KDM3B: variants seen among roughly 807,000 people sequenced by gnomAD.
KDM3B encodes lysine-specific demethylase 3B.
KDM3B carries 10 observed loss-of-function variants against 170.0 expected under a neutral mutation model. The ratio of observed to expected loss-of-function variants is 0.06; its 90% CI spans 0.04 to 0.10. The LOEUF is 0.10. KDM3B is among the 10% of genes least tolerant of loss of function. The probability of loss-of-function intolerance (pLI) is 1.00; values close to 1 mark genes in which losing one functional copy is unlikely to be tolerated. For missense variants in KDM3B, 1,394 were observed against 2,195.2 expected, an observed-to-expected ratio of 0.64 and a Z score of 7.29; for synonymous variants, 831 against 834.8, an observed-to-expected ratio of 1.00 and a Z score of 0.08.
intron 6 of KDM3B, among the ~76,000 whole-genome samples, chr5:138,383,231 C>T (rs1172184126): frequency 5.9e-5 from 9 of 151,876 alleles, no homozygotes; most frequent in African/African-American, 1.7e-4. Context: ...CTCCGCCTCC[C>T]GGGTTCAAGT....
chr5:138,402,328 T>G (rs1291826953), intron 11 of KDM3B, among the ~76,000 whole-genome samples: 1 of 152,234 alleles, frequency 6.6e-6, no homozygotes. Context: ...CCTTGACTTT[T>G]TCATTCTTCC....
At chr5:138,416,754 A>T (rs2126986652) in intron 12 of KDM3B, among the ~76,000 whole-genome samples, 2 of 152,204 alleles carry the variant, frequency 1.3e-5, no homozygotes, top group Admixed American at 1.3e-4. Context: ...AGCCATATAA[A>T]GTTTACATTG....
At chr5:138,401,924 C>CT (rs543028030) in intron 11 of KDM3B, among the ~76,000 whole-genome samples, 781 of 146,730 alleles carry the variant, frequency 5.3e-3, no homozygotes, top group Middle Eastern at 7.0e-3. Flanking sequence ...TTTTTTCTTT[C>CT]TTTTTTTTTT....
In KDM3B at chr5:138,379,571, A is replaced by G. The variant is rs776019083; in HGVS notation, c.581-13A>G. The G allele has an allele frequency of 6.2e-7, 1 of 1,605,766 alleles. No individual in the cohort carries two copies. The highest frequency in any genetic ancestry group is 1.3e-5 in the African/African-American group (1 of 74,504). On this transcript the variant is annotated splice_polypyrimidine_tract_variant and intron_variant, in intron 4 of 23. Coordinates refer to ENST00000314358, the MANE Select transcript of KDM3B (RefSeq NM_016604.4). ...AGCCAAAAATACTCAATACTGACTG[A>G]TCTCCCTTTTAGGTCCCTACAGTGT...
At chr5:138,433,775 G>A (rs939801653) in intron 23 of KDM3B, among the ~76,000 whole-genome samples, 3 of 151,662 alleles carry the variant, frequency 2.0e-5, no homozygotes, top group Admixed American at 1.3e-4. Flanking sequence ...GTCCCGCTCC[G>A]TTGCCCACGC....
chr5:138,427,908 C>T (rs1009128898), intron 19 of KDM3B, 59 bp from the exon 20 acceptor site: 22 of 1,535,040 alleles, frequency 1.4e-5, no homozygotes, highest in African/African-American at 9.5e-5. Flanking sequence ...GATGTAGTGT[C>T]GACGTGGATT....
intron 1 of KDM3B, among the ~76,000 whole-genome samples, chr5:138,371,628 G>A (rs1261547730): frequency 1.3e-5 from 2 of 152,078 alleles, no homozygotes; most frequent in Non-Finnish European, 2.9e-5. Flanking sequence ...TACAGCAAGT[G>A]TCTGCTAACA....
At chr5:138,397,860 T>TAA (rs778330478) in intron 9 of KDM3B, 149 of 156,184 alleles carry the variant, frequency 9.5e-4, no homozygotes, top group East Asian at 2.5e-3. Flanking sequence ...GACTCTGTCT[T>TAA]AAAAAAAAAA....
intron 22 of KDM3B, 70 bp downstream of exon 22, chr5:138,430,495 C>G: frequency 7.2e-7 from 1 of 1,395,388 alleles, no homozygotes. Context: ...TCTTGCTAAT[C>G]TACCAAGAGA....
rs534563504 is a variant in KDM3B at position 138,393,310 on chromosome 5, G to A, written c.2769G>A (p.Arg923=). The change falls in exon 9 of 24, where the codon CGG becomes CGA. Residue 923 remains arginine (R), a synonymous_variant. Transcript: ENST00000314358. ...KCRECRLERY[R]KFKEQEQDDS... is the part of the protein sequence containing the mutation. ...GTGAATGCCGCCTGGAGCGGTACCG[G>A]AAGTTTAAGGAACAGGAGCAAGATG... 6.2e-7 allele frequency: 1 copy of A among 1,614,204 alleles called. No homozygotes were observed. Among genetic ancestry groups the A allele is most frequent in the Admixed American group, 1.7e-5 (1 of 60,016 alleles).
At chr5:138,407,011 C>T (rs1371063934) in intron 11 of KDM3B, among the ~76,000 whole-genome samples, 6 of 129,808 alleles carry the variant, frequency 4.6e-5, no homozygotes, top group Admixed American at 4.3e-4. Context: ...TTTGAGACAG[C>T]GTCTATCTCT....
In KDM3B at chr5:138,429,970, G is replaced by A. The variant is rs780747412; in HGVS notation, c.4893+5G>A. On this transcript the variant is annotated splice_donor_5th_base_variant and intron_variant, in intron 21 of 23. Transcript: ENST00000314358. The stretch of plus-strand genomic sequence containing the variant: ...ATCCGGGAGCTGCTCCGAAAGGTAC[G>A]CCCCTGGGTGGGCTGTGCTCCCAGC... The A allele has an allele frequency of 2.7e-5, 43 of 1,613,770 alleles. No individual in the cohort carries two copies. The highest frequency in any genetic ancestry group is 3.6e-5 in the Non-Finnish European group (42 of 1,179,890).
chr5:138,379,050 G>T (rs1044197779), intron 4 of KDM3B, among the ~76,000 whole-genome samples: 1 of 152,014 alleles, frequency 6.6e-6, no homozygotes, highest in African/African-American at 2.4e-5. Context: ...ATTTATATTT[G>T]TTCAGCCTAT....
intron 1 of KDM3B, among the ~76,000 whole-genome samples, chr5:138,358,398 A>G (rs11748075): frequency 0.14 from 18,953 of 140,208 alleles, 1,622 homozygotes; most frequent in South Asian, 0.26. Flanking sequence ...TCTCTCTCCC[A>G]GATTCAAGTG....
At chr5:138,393,123 C>T in intron 8 of KDM3B, 48 bp from the exon 9 acceptor site, 1 of 1,550,564 alleles carries the variant, frequency 6.4e-7, no homozygotes, top group Non-Finnish European at 8.9e-7. Flanking sequence ...GCTATTGGTT[C>T]CTGTTTACAC....
chr5:138,398,646 C>G (rs1286359763), intron 10 of KDM3B, among the ~76,000 whole-genome samples: 6 of 152,052 alleles, frequency 3.9e-5, no homozygotes, highest in Non-Finnish European at 8.8e-5. Flanking sequence ...GCACAGCAGC[C>G]ATAACATCCA....
chr5:138,427,330 GA>G lies in KDM3B; in HGVS notation c.4633+12del. 1 of 1,601,988 alleles carries G rather than the reference GA, an allele frequency of 6.2e-7. No homozygotes were observed. On this transcript the variant is annotated intron_variant, in intron 19 of 23. Transcript: ENST00000314358. ...TGTACAACGCCTATGGTATGAGGGA[GA>G]GGCTAAAATTGCTCTTTTGGGGGAC...
At position 138,398,205 on chromosome 5, in the gene KDM3B, C is replaced by T; in HGVS notation, c.2859C>T (p.Leu953=). 6.2e-7 allele frequency: 1 copy of T among 1,613,748 alleles called. No individual in the cohort carries two copies. Among genetic ancestry groups the T allele is most frequent in the Non-Finnish European group, 8.5e-7 (1 of 1,179,806 alleles). Residue 953 remains leucine, a synonymous_variant, in exon 10 of 24, where the codon CTC becomes CTT. Coordinates refer to ENST00000314358, the MANE Select transcript of KDM3B (RefSeq NM_016604.4). The part of the protein sequence containing the change: ...RRLIFTRKGV[L]RVEGFLSPQQ... ...TGATCTTCACTCGAAAAGGGGTACT[C>T]CGTGTGGAGGGGTTTTTAAGCCCCC... is the stretch of plus-strand genomic sequence containing the variant.
At chr5:138,431,339 T>C in intron 22 of KDM3B, 86 bp from the exon 23 acceptor site, 1 of 1,153,834 alleles carries the variant, frequency 8.7e-7, no homozygotes, top group South Asian at 1.9e-5. Context: ...TTCTCAAGGG[T>C]TTTTTTAACT....
Sources: allele counts gnomAD v4.1 joint callset (sites outside exome capture counted in the v4.1 genomes callset), GRCh38; gene constraint gnomAD v4.1.1; transcripts MANE v1.5; gene names NCBI Gene and HGNC (gene_info 2026-07-23, HGNC 2026-07-21).